The following FANCC variants were observed in gnomAD, a reference collection of about 807,000 sequenced individuals.
The protein encoded by FANCC is FA complementation group C, also known as Fanconi anemia group C protein.
FANCC carries 55 observed loss-of-function variants against 71.3 expected under a neutral mutation model. The ratio of observed to expected loss-of-function variants is 0.77; its 90% CI spans 0.62 to 0.97. The LOEUF (loss-of-function observed/expected upper bound fraction) is 0.97. FANCC is among the 50% of genes least tolerant of loss of function. The probability of loss-of-function intolerance (pLI) is 0.00; values close to 1 mark genes in which losing one functional copy is unlikely to be tolerated. For missense variants in FANCC, 678 were observed against 670.9 expected (o/e 1.01, Z -0.12); for synonymous variants, 275 against 244.9 (o/e 1.12, Z -1.15).
Position 95,171,148 on chromosome 9 carries a change from A to G in FANCC, c.457-5T>C. Reference sequence around the variant, plus strand: ...AGACGCTAATGATAAAACCATCTGTAAAACAAAATCAGTTGCAGGTTAACT... The same window carrying G: ...AGACGCTAATGATAAAACCATCTGTGAAACAAAATCAGTTGCAGGTTAACT... On this transcript the variant is annotated splice_polypyrimidine_tract_variant and splice_region_variant and intron_variant, in intron 5 of 14. Transcript: ENST00000289081. 6.2e-7 allele frequency: 1 copy of G among 1,611,758 alleles called. No homozygotes were observed. The highest frequency in any genetic ancestry group is 8.5e-7 in the Non-Finnish European group (1 of 1,178,026).
At position 95,220,866 on chromosome 9, in the gene FANCC, A is replaced by G. The variant is rs148034124; in HGVS notation, c.345+19783T>C. 8.8e-4 allele frequency among the ~76,000 whole-genome samples: 133 copies of G among 151,724 alleles called. 2 individuals are homozygous for G. The highest frequency in any genetic ancestry group is 3.1e-3 in the African/African-American group (127 of 41,050). On this transcript the variant is annotated intron_variant, in intron 4 of 14. Transcript: ENST00000289081. ...CATGTACCCTAGAACTTAAGGCATA[A>G]TAAAAAATAATAATAAATAAATAAA...
intron 4 of FANCC, among the ~76,000 whole-genome samples, chr9:95,231,638 G>A (rs1830016112): frequency 6.6e-6 from 1 of 152,176 alleles, no homozygotes; most frequent in African/African-American, 2.4e-5. Context: ...CCCGTCCTTA[G>A]CTGAACTAGG....
At chr9:95,258,181 C>G (rs1279487084) in intron 1 of FANCC, among the ~76,000 whole-genome samples, 1 of 152,216 alleles carries the variant, frequency 6.6e-6, no homozygotes, top group African/African-American at 2.4e-5. Flanking sequence ...TCTTCCCTAA[C>G]TCATTTTATG....
intron 12 of FANCC, chr9:95,114,125 TTAGAA>T: frequency 5.2e-6 from 1 of 192,474 alleles, no homozygotes; most frequent in South Asian, 1.1e-4. Flanking sequence ...AGAATTTATA[TTAGAA>T]TAGATTTTCT....
At chr9:95,307,599 A>G (rs1835140530) in intron 1 of FANCC, among the ~76,000 whole-genome samples, 1 of 152,372 alleles carries the variant, frequency 6.6e-6, no homozygotes, top group Non-Finnish European at 1.5e-5. Flanking sequence ...ATTATTCAAA[A>G]CTTAAATTAC....
rs143391741 is a variant in FANCC at position 95,170,449 on chromosome 9, G to A, written c.521+630C>T. 3.7e-3 allele frequency among the ~76,000 whole-genome samples: 563 copies of A among 150,704 alleles called. 2 individuals carry two copies. Among genetic ancestry groups the A allele is most frequent in the African/African-American group, 0.013 (547 of 41,234 alleles). ...TCAGTCCCAGATTCTCTTGGTTAAT[G>A]ATATGTCAAAAATGAAATGCCCACC... On this transcript the variant is annotated intron_variant, in intron 6 of 14. Coordinates refer to ENST00000289081, the MANE Select transcript of FANCC (RefSeq NM_000136.3).
chr9:95,105,494 CTGAGA>C (rs1270360497), intron 14 of FANCC, among the ~76,000 whole-genome samples: 1 of 152,202 alleles, frequency 6.6e-6, no homozygotes, highest in East Asian at 1.9e-4. Flanking sequence ...GGTGCTTTTT[CTGAGA>C]TGAGTATTTT....
intron 4 of FANCC, among the ~76,000 whole-genome samples, chr9:95,224,342 G>A (rs939898548): frequency 3.3e-5 from 5 of 152,110 alleles, no homozygotes; most frequent in African/African-American, 1.2e-4. Flanking sequence ...GCCCAACATG[G>A]TCTGCCACTT....
At position 95,114,326 on chromosome 9, in the gene FANCC, G is replaced by C. The variant is rs113963801; in HGVS notation, c.1154+303C>G. The C allele has an allele frequency of 1.1e-3, 424 of 399,168 alleles. 4 individuals carry two copies. The highest frequency in any genetic ancestry group is 2.4e-3 in the Middle Eastern group (3 of 1,264). 24.7% of individuals were successfully genotyped at this position (399,168 alleles called of 1,614,324 possible). ...GCAGGTGGGTGCTGCTTTTTCCAAG[G>C]CCTCTTCTTTTTATTGTTATGCCTG... On this transcript the variant is annotated intron_variant, in intron 12 of 14. Transcript: ENST00000289081.
intron 4 of FANCC, among the ~76,000 whole-genome samples, chr9:95,196,797 G>A (rs1827484263): frequency 1.3e-5 from 2 of 152,176 alleles, no homozygotes; most frequent in South Asian, 2.1e-4. Context: ...ACCAGGATGT[G>A]CTCAGTTGGC....
intron 1 of FANCC, among the ~76,000 whole-genome samples, chr9:95,303,072 A>G (rs1444513349): frequency 6.6e-6 from 1 of 152,206 alleles, no homozygotes; most frequent in Non-Finnish European, 1.5e-5. Flanking sequence ...TATCTAGAAT[A>G]CGGTTGTACA....
chr9:95,217,252 G>A (rs356687), intron 4 of FANCC, among the ~76,000 whole-genome samples: 29,010 of 152,112 alleles, frequency 0.19, 2,906 homozygotes, highest in East Asian at 0.3. Context: ...TTGGGAGGCC[G>A]AGGTGGGTGG....
intron 13 of FANCC, chr9:95,111,187 A>G: frequency 6.5e-7 from 1 of 1,536,072 alleles, no homozygotes; most frequent in Non-Finnish European, 8.7e-7. Flanking sequence ...GCAGCTGAGC[A>G]ATAACAGATC....
intron 4 of FANCC, among the ~76,000 whole-genome samples, chr9:95,189,534 G>C (rs901915472): frequency 1.3e-5 from 2 of 152,062 alleles, no homozygotes; most frequent in South Asian, 2.1e-4. Context: ...GTTCCGGGGG[G>C]GGAAATAGAG....
At chr9:95,107,653 A>C (rs1588031960) in intron 13 of FANCC, 6 of 368,616 alleles carry the variant, frequency 1.6e-5, no homozygotes, top group Admixed American at 4.1e-5. Flanking sequence ...ACGCAGTCAG[A>C]CCTCCGCCGA....
chr9:95,154,951 A>ACC (rs1302850359), intron 6 of FANCC, among the ~76,000 whole-genome samples: 1 of 151,884 alleles, frequency 6.6e-6, no homozygotes, highest in Non-Finnish European at 1.5e-5. Context: ...TATGTCTGCA[A>ACC]TCCCAGAACT....
intron 1 of FANCC, among the ~76,000 whole-genome samples, chr9:95,250,165 T>A (rs1205025131): frequency 6.6e-6 from 1 of 151,982 alleles, no homozygotes; most frequent in Non-Finnish European, 1.5e-5. Flanking sequence ...GCCCCTCCCA[T>A]CCCACAACCC....
intron 4 of FANCC, among the ~76,000 whole-genome samples, chr9:95,218,394 G>A (rs1001665796): frequency 6.6e-6 from 1 of 152,172 alleles, no homozygotes; most frequent in Non-Finnish European, 1.5e-5. Flanking sequence ...GAGCCCAGGA[G>A]GTCAAGGCTG....
At chr9:95,312,731 C>T (rs987146632) in intron 1 of FANCC, among the ~76,000 whole-genome samples, 2 of 152,182 alleles carry the variant, frequency 1.3e-5, no homozygotes, top group African/African-American at 2.4e-5. Context: ...CTACAAAACA[C>T]AGGAATAGGA....
Sources: allele counts gnomAD v4.1 joint callset (sites outside exome capture counted in the v4.1 genomes callset), GRCh38; gene constraint gnomAD v4.1.1; transcripts MANE v1.5; gene names NCBI Gene and HGNC (gene_info 2026-07-23, HGNC 2026-07-21).